The following ERICH1 variants were observed in gnomAD, a reference collection of about 807,000 sequenced individuals.
ERICH1 encodes glutamate-rich protein 1.
A neutral mutation model predicts 39.6 loss-of-function variants in ERICH1; 56 were observed. That is an observed-to-expected ratio of 1.41 (90% confidence interval 1.14 to 1.77). The LOEUF (loss-of-function observed/expected upper bound fraction) is 1.77, where lower values mean the gene tolerates loss of function less well. Among genes scored for constraint, ERICH1 ranks in the 40% most tolerant of loss-of-function variants. The pLI is 0.00. For synonymous variants in ERICH1, 313 were observed against 223.6 expected, an observed-to-expected ratio of 1.40 and a Z score of -3.57; for missense variants, 826 against 575.4, an observed-to-expected ratio of 1.44 and a Z score of -4.45.
downstream of ERICH1, among the ~76,000 whole-genome samples, chr8:663,004 C>T (rs1801658774): frequency 6.6e-6 from 1 of 152,270 alleles, no homozygotes; most frequent in Non-Finnish European, 1.5e-5. Context: ...CAGCCTGCGT[C>T]CTGTCCTCGG....
chr8:636,633 C>T (rs529662219), intron 3 of ERICH1, among the ~76,000 whole-genome samples: 4 of 152,268 alleles, frequency 2.6e-5, no homozygotes, highest in Non-Finnish European at 4.4e-5. Flanking sequence ...TGCACAACAG[C>T]AGACAGGACA....
At chr8:673,058 G>A (rs1803798559) in intron 4 of ERICH1, among the ~76,000 whole-genome samples, 1 of 152,246 alleles carries the variant, frequency 6.6e-6, no homozygotes, top group East Asian at 1.9e-4. Context: ...ATACGCCAGG[G>A]GCGCATGCCC....
chr8:699,847 ACCCGCACACGCGCACAGACCC>A (rs1811390004), intron 2 of ERICH1, among the ~76,000 whole-genome samples: 1 of 107,316 alleles, frequency 9.3e-6, no homozygotes. Context: ...AGGCGCACAG[ACCCGCACACGCGCACAGACCC>A]TCACAGGCGC....
At chr8:644,297 C>T (rs1799351532) in intron 3 of ERICH1, among the ~76,000 whole-genome samples, 1 of 152,268 alleles carries the variant, frequency 6.6e-6, no homozygotes, top group Non-Finnish European at 1.5e-5. Context: ...TTCTTCCTTT[C>T]CATATGCTGT....
chr8:615,126 G>A (rs1190543451), exon 4 of ERICH1: 2 of 606,232 alleles, frequency 3.3e-6, no homozygotes, highest in African/African-American at 1.9e-5. Flanking sequence ...CTGAGTCTTG[G>A]GCTCCCGGTC....
At chr8:685,692 C>CG (rs1807172975) in intron 3 of ERICH1, among the ~76,000 whole-genome samples, 1 of 152,156 alleles carries the variant, frequency 6.6e-6, no homozygotes, top group Admixed American at 6.5e-5. Context: ...TCCCTCCGTT[C>CG]GGGGTCCCTG....
At chr8:687,018 G>A (rs1807573910) in intron 3 of ERICH1, among the ~76,000 whole-genome samples, 1 of 152,222 alleles carries the variant, frequency 6.6e-6, no homozygotes, top group Non-Finnish European at 1.5e-5. Flanking sequence ...GACTCCTTCA[G>A]GAAAGGCAAA....
Position 664,685 on chromosome 8 carries a change from C to CA in ERICH1, c.1259-10dup. ...GATTACTCTGGCATGGTCTAGAAAG[C>CA]AAAAAACACAAAACAAAAAATAAAA... On this transcript the variant is annotated splice_polypyrimidine_tract_variant and intron_variant, in intron 5 of 5. Coordinates refer to ENST00000262109, the MANE Select transcript of ERICH1 (RefSeq NM_207332.3). 1 of 1,578,114 alleles carries CA rather than the reference C, an allele frequency of 6.3e-7. No homozygotes were observed. The highest frequency in any genetic ancestry group is 8.6e-7 in the Non-Finnish European group (1 of 1,158,042).
chr8:678,410 G>T (rs987553620), intron 3 of ERICH1, among the ~76,000 whole-genome samples: 7 of 152,170 alleles, frequency 4.6e-5, no homozygotes, highest in African/African-American at 1.7e-4. Flanking sequence ...CCTGAGAAAA[G>T]TACAATTTAG....
intron 3 of ERICH1, among the ~76,000 whole-genome samples, chr8:657,041 C>T (rs1302236805): frequency 2.0e-5 from 3 of 152,170 alleles, no homozygotes; most frequent in Admixed American, 2.0e-4. Context: ...TAATAGCTTT[C>T]TCAAATAAAT....
chr8:621,073 G>C (rs1053261184), intron 3 of ERICH1, among the ~76,000 whole-genome samples: 2 of 152,108 alleles, frequency 1.3e-5, no homozygotes, highest in Admixed American at 1.3e-4. Flanking sequence ...AAAGTATATT[G>C]TCTGAGCACA....
At chr8:654,775 G>C (rs1800402877) in intron 3 of ERICH1, among the ~76,000 whole-genome samples, 1 of 152,164 alleles carries the variant, frequency 6.6e-6, no homozygotes, top group South Asian at 2.1e-4. Context: ...CCGTTGCTGG[G>C]AGGGGCAGGC....
chr8:679,088 CCCTCACAGCTCCGACT>C (rs1466012455), intron 3 of ERICH1, among the ~76,000 whole-genome samples: 3 of 150,524 alleles, frequency 2.0e-5, no homozygotes, highest in East Asian at 2.0e-4. Flanking sequence ...CAGCAGTGAC[CCCTCACAGCTCCGACT>C]CCTCACAGCT....
intron 1 of ERICH1, among the ~76,000 whole-genome samples, chr8:718,843 A>C (rs1431694696): frequency 6.6e-6 from 1 of 152,204 alleles, no homozygotes; most frequent in East Asian, 1.9e-4. Context: ...CTCAGGTGCC[A>C]CACGAGCAGA....
intron 3 of ERICH1, among the ~76,000 whole-genome samples, chr8:653,465 G>A (rs1461667300): frequency 2.6e-5 from 4 of 152,172 alleles, no homozygotes; most frequent in African/African-American, 4.8e-5. Context: ...TGCCAACCTG[G>A]AACCAATCCA....
At chr8:674,850 G>T (rs1392061965) in intron 3 of ERICH1, among the ~76,000 whole-genome samples, 1 of 152,200 alleles carries the variant, frequency 6.6e-6, no homozygotes. Context: ...AATAGCATAG[G>T]TTGGTGATGT....
chr8:725,059 T>A (rs1818266922), intron 1 of ERICH1: 1 of 166,008 alleles, frequency 6.0e-6, no homozygotes, highest in African/African-American at 2.4e-5. Context: ...CCCTCCGGCT[T>A]CTGTACCTGC....
In ERICH1 at chr8:673,788, G is replaced by A. The variant is rs768078572; in HGVS notation, c.564C>T (p.Phe188=). The change falls in exon 4 of 6, where the codon TTC becomes TTT. Residue 188 remains phenylalanine, a synonymous_variant. Coordinates refer to ENST00000262109, the MANE Select transcript of ERICH1 (RefSeq NM_207332.3). ...GLAAKAAGVS[F]MYQPEDSSNE... is the part of the protein sequence containing the mutation. ...TGCTGCTGTCCTCGGGCTGGTACAT[G>A]AAACTGACACCAGCAGCCTTTGCTG... 14 of 1,614,206 alleles carry A rather than the reference G, an allele frequency of 8.7e-6. No homozygotes were observed. The East Asian group carries it at 2.7e-4, about 31-fold the overall frequency.
downstream of ERICH1, among the ~76,000 whole-genome samples, chr8:661,923 C>G (rs555175103): frequency 8.5e-5 from 13 of 152,254 alleles, no homozygotes; most frequent in Non-Finnish European, 1.6e-4. Context: ...CGTGACCCAC[C>G]ACCCCCCGCA....
Sources: allele counts gnomAD v4.1 joint callset (sites outside exome capture counted in the v4.1 genomes callset), GRCh38; gene constraint gnomAD v4.1.1; transcripts MANE v1.5; gene names NCBI Gene and HGNC (gene_info 2026-07-23, HGNC 2026-07-21).